Variants in EXOC4 observed in about 807,000 individuals in gnomAD.
The protein encoded by EXOC4 is SEC8-like 1.
In EXOC4, 71 loss-of-function variants were observed where a neutral mutation model predicts 107.2. The ratio of observed to expected loss-of-function variants is 0.66; its 90% CI spans 0.55 to 0.81. The LOEUF is 0.81. Among genes scored for constraint, EXOC4 ranks in the 30% least tolerant of loss-of-function variants. EXOC4 has a pLI of 0.00. For missense variants in EXOC4, 1,108 were observed against 1,189.6 expected, an observed-to-expected ratio of 0.93 and a Z score of 1.01; for synonymous variants, 456 against 441.2, an observed-to-expected ratio of 1.03 and a Z score of -0.42.
At chr7:133,828,412 T>C (rs1427346832) in intron 11 of EXOC4, among the ~76,000 whole-genome samples, 3 of 152,174 alleles carry the variant, frequency 2.0e-5, no homozygotes, top group Non-Finnish European at 4.4e-5. Context: ...AGGAGCCAGA[T>C]GAGTGTAGAC....
intron 11 of EXOC4, among the ~76,000 whole-genome samples, chr7:133,821,722 A>G (rs575249115): frequency 6.6e-6 from 1 of 152,210 alleles, no homozygotes; most frequent in South Asian, 2.1e-4. Context: ...GCACAGAACC[A>G]TCACTTTTAC....
the EXOC4 span, among the ~76,000 whole-genome samples, chr7:134,094,420 T>TA: frequency 1.3e-5 from 2 of 152,092 alleles, no homozygotes; most frequent in Non-Finnish European, 2.9e-5. Flanking sequence ...ATCAGTAATT[T>TA]AAAAACCTAC....
chr7:133,628,106 G>A (rs941121094), intron 9 of EXOC4, among the ~76,000 whole-genome samples: 8 of 152,176 alleles, frequency 5.3e-5, no homozygotes, highest in African/African-American at 1.7e-4. Context: ...CAAATGTTGC[G>A]AGTGTAGATT....
chr7:134,093,475 G>A, the EXOC4 span, among the ~76,000 whole-genome samples: 1 of 152,230 alleles, frequency 6.6e-6, no homozygotes, highest in Admixed American at 6.5e-5. Flanking sequence ...CAATAACAGA[G>A]CGGGGCTTCA....
At chr7:133,324,358 A>G (rs538141721) in intron 5 of EXOC4, among the ~76,000 whole-genome samples, 1 of 152,292 alleles carries the variant, frequency 6.6e-6, no homozygotes, top group South Asian at 2.1e-4. Flanking sequence ...AGTGCTATAC[A>G]TTTCCCTCTA....
In EXOC4 at chr7:133,997,640, T is replaced by TACA. The variant is rs771823542; in HGVS notation, c.2348+8_2348+10dup. 1.9e-5 allele frequency: 30 copies of TACA among 1,612,336 alleles called. No homozygotes were observed. In the East Asian group the frequency reaches 5.4e-4, roughly 29 times the overall value. On this transcript the variant is annotated splice_region_variant and intron_variant, in intron 15 of 17. Transcript: ENST00000253861. Reference sequence around the variant, plus strand: ...TCTTACATCTGGAAGTGAGGTATGATACAGCCAAGCCCAGGACCTTGCAAT... The same window carrying TACA: ...TCTTACATCTGGAAGTGAGGTATGATACAACAGCCAAGCCCAGGACCTTGCAAT...
intron 9 of EXOC4, among the ~76,000 whole-genome samples, chr7:133,526,650 A>C (rs1039186936): frequency 2.6e-5 from 4 of 152,158 alleles, no homozygotes; most frequent in African/African-American, 9.7e-5. Flanking sequence ...GAATACAATT[A>C]CTTTAATTTT....
At chr7:133,787,296 A>G (rs1359739302) in intron 10 of EXOC4, among the ~76,000 whole-genome samples, 1 of 149,288 alleles carries the variant, frequency 6.7e-6, no homozygotes, top group African/African-American at 2.5e-5. Flanking sequence ...CCTCCCAAGT[A>G]GCTGGCACCA....
rs139980099 is a variant in EXOC4 at position 133,897,627 on chromosome 7, A to G, written c.1871+1892A>G. 2.4e-3 allele frequency among the ~76,000 whole-genome samples: 367 copies of G among 152,248 alleles called. 6 individuals are homozygous for G. Among genetic ancestry groups the G allele is most frequent in the African/African-American group, 8.2e-3 (341 of 41,568 alleles). Reference sequence around the variant, plus strand: ...AAAGCAAAACATATCCAGCTGTTAAAGAAGAGCTTGTTCATATGTATTTTA... The same window carrying G: ...AAAGCAAAACATATCCAGCTGTTAAGGAAGAGCTTGTTCATATGTATTTTA... On this transcript the variant is annotated intron_variant, in intron 12 of 17. Transcript: ENST00000253861.
At chr7:133,653,797 T>C (rs575958601) in intron 10 of EXOC4, among the ~76,000 whole-genome samples, 2 of 152,274 alleles carry the variant, frequency 1.3e-5, no homozygotes, top group African/African-American at 4.8e-5. Flanking sequence ...GTGAGCAAAT[T>C]AGAGATATTG....
At chr7:133,553,328 C>G (rs539679052) in intron 9 of EXOC4, among the ~76,000 whole-genome samples, 1 of 152,274 alleles carries the variant, frequency 6.6e-6, no homozygotes, top group South Asian at 2.1e-4. Context: ...TCTGCTAAAT[C>G]AATTCCGTCT....
At chr7:133,406,252 G>A (rs1797213851) in intron 7 of EXOC4, among the ~76,000 whole-genome samples, 1 of 152,158 alleles carries the variant, frequency 6.6e-6, no homozygotes, top group African/African-American at 2.4e-5. Context: ...CAAATCCCAT[G>A]CCATTTTCTT....
intron 2 of EXOC4, among the ~76,000 whole-genome samples, chr7:133,288,597 C>T (rs564738868): frequency 1.3e-5 from 2 of 152,182 alleles, no homozygotes; most frequent in African/African-American, 4.8e-5. Context: ...TGATCATTCT[C>T]CTTTTAGATA....
chr7:133,714,071 T>G (rs189809206), intron 10 of EXOC4, among the ~76,000 whole-genome samples: 112 of 152,260 alleles, frequency 7.4e-4, no homozygotes, highest in Admixed American at 6.9e-3. Flanking sequence ...ACAACCACTG[T>G]CAGGCCCACC....
chr7:133,282,136 A>T (rs1208570265), intron 2 of EXOC4, among the ~76,000 whole-genome samples: 1 of 152,170 alleles, frequency 6.6e-6, no homozygotes, highest in East Asian at 1.9e-4. Flanking sequence ...TCAAAGCCCC[A>T]CTTAGCTTTT....
intron 9 of EXOC4, among the ~76,000 whole-genome samples, chr7:133,507,273 C>T (rs1799684881): frequency 6.6e-6 from 1 of 152,068 alleles, no homozygotes. Context: ...AAAAAAATTT[C>T]CTATTAACAT....
intron 6 of EXOC4, among the ~76,000 whole-genome samples, chr7:133,367,608 T>C (rs1374493710): frequency 2.0e-5 from 3 of 152,180 alleles, no homozygotes; most frequent in Non-Finnish European, 2.9e-5. Context: ...AATATCACTT[T>C]GGCCTCTCTT....
chr7:133,404,798 G>A (rs1002510286), intron 7 of EXOC4, among the ~76,000 whole-genome samples: 1 of 151,904 alleles, frequency 6.6e-6, no homozygotes, highest in Non-Finnish European at 1.5e-5. Flanking sequence ...GGCTGGGGTG[G>A]GAGGATTGCT....
chr7:133,851,887 TA>T (rs1368380539), intron 11 of EXOC4, among the ~76,000 whole-genome samples: 2 of 152,206 alleles, frequency 1.3e-5, no homozygotes, highest in Admixed American at 1.3e-4. Flanking sequence ...GTCATCATAC[TA>T]CATTATACTG....
Sources: gnomAD v4.1 joint callset for allele counts (sites outside exome capture counted in the v4.1 genomes callset) on GRCh38, gnomAD v4.1.1 for gene constraint, MANE v1.5 for transcripts, NCBI Gene and HGNC (gene_info 2026-07-23, HGNC 2026-07-21) for gene names.